KAT8: variants seen among roughly 807,000 people sequenced by gnomAD.
KAT8 encodes lysine acetyltransferase 8.
Under a neutral mutation model 62.9 loss-of-function variants are expected in KAT8, and 40 were observed. That is an observed-to-expected ratio of 0.64 (90% confidence interval 0.49 to 0.83). The LOEUF is 0.83. Among genes scored for constraint, KAT8 ranks in the 40% least tolerant of loss-of-function variants. KAT8 has a pLI of 0.00. For synonymous variants in KAT8, 278 were observed against 254.5 expected (o/e 1.09, Z -0.88); for missense variants, 387 against 614.8 (o/e 0.63, Z 3.92).
rs1299020112 is a variant in KAT8 at position 31,130,779 on chromosome 16, C to T, written c.1191C>T (p.Ile397=). ...CCAGTATCACCCAAAATGACATCAT[C>T]AGTACCCTGCAATCCCTCAATATGG... ...QMTSITQNDI[I]STLQSLNMVK... The change falls in exon 10 of 11, where the codon ATC becomes ATT. Residue 397 remains isoleucine, a synonymous_variant. Coordinates refer to ENST00000219797, the MANE Select transcript of KAT8 (RefSeq NM_032188.3). The T allele has an allele frequency of 6.2e-7, 1 of 1,614,194 alleles. No individual in the cohort carries two copies. The highest frequency in any genetic ancestry group is 1.1e-5 in the South Asian group (1 of 91,088).
Position 31,131,073 on chromosome 16 carries a change from A to G in KAT8, c.1313-122A>G, listed in dbSNP as rs887706257. ...CTGGGCTTCCCTACCCCTCCCCAGCACAGCCTGCCCTTTTGTTCTCACCTG... is the reference window on the plus strand; with the variant it reads ...CTGGGCTTCCCTACCCCTCCCCAGCGCAGCCTGCCCTTTTGTTCTCACCTG... On this transcript the variant is annotated intron_variant, in intron 10 of 10. Transcript: ENST00000219797. The G allele has an allele frequency of 5.9e-6, 9 of 1,515,416 alleles. No individual in the cohort carries two copies. In the African/African-American group the frequency reaches 1.2e-4, roughly 21 times the overall value. 93.9% of individuals were successfully genotyped at this position (1,515,416 alleles called of 1,614,324 possible).
chr16:31,126,939 C>T (rs1024898813), intron 3 of KAT8, 96 bp from the exon 4 acceptor site: 1 of 1,315,750 alleles, frequency 7.6e-7, no homozygotes, highest in Non-Finnish European at 1.1e-6. Context: ...GGAATGAGGT[C>T]TGGTAGACGG....
rs2057459742 is a variant in KAT8, at chr16:31,117,814, A to G, written c.133A>G (p.Thr45Ala). The G allele has an allele frequency of 7.0e-7, 1 of 1,425,470 alleles. No homozygotes were observed. Among genetic ancestry groups the G allele is most frequent in the Non-Finnish European group, 9.3e-7 (1 of 1,078,840 alleles). The allele number at this position is 1,425,470 out of a possible 1,614,324, so 88.3% of individuals were successfully genotyped here. Residue 45 changes from threonine to alanine, a missense_variant, in exon 1 of 11, where the codon ACC becomes GCC. By Grantham distance (58) the Thr-to-Ala change is moderately conservative. Transcript: ENST00000219797. ...ATCCCCGGGCCGCGTCTCTCCGCCG[A>G]CCCCGGCGCGCGGCGAGCCGGAAGT... ...APSPGRVSPP[T>A]PARGEPEVTV...
At chr16:31,120,581 C>G in intron 3 of KAT8, 67 bp downstream of exon 3, 1 of 1,483,330 alleles carries the variant, frequency 6.7e-7, no homozygotes, top group Non-Finnish European at 9.2e-7. Context: ...TTGGGTCTCT[C>G]GGGCCCCAGT....
rs2057539855 is a variant in KAT8 at position 31,127,357 on chromosome 16, AGGCTGGGCCGGCC to A, written c.681+7_681+19del. Reference sequence around the variant, plus strand: ...GAAGAGCTACCGCTTCCACTTGGTGAGGCTGGGCCGGCCGGGCCGAGCTGGGCAGGGGCCCGGT... The same window carrying A: ...GAAGAGCTACCGCTTCCACTTGGTGAGGGCCGAGCTGGGCAGGGGCCCGGT... On this transcript the variant is annotated splice_donor_5th_base_variant and intron_variant, in intron 5 of 10. Coordinates refer to ENST00000219797, the MANE Select transcript of KAT8 (RefSeq NM_032188.3). 1.2e-6 allele frequency: 2 copies of A among 1,613,726 alleles called. No individual in the cohort carries two copies. Among genetic ancestry groups the A allele is most frequent in the Non-Finnish European group, 1.7e-6 (2 of 1,179,884 alleles).
At chr16:31,129,959 C>T in intron 6 of KAT8, 58 bp from the exon 7 acceptor site, 1 of 1,593,332 alleles carries the variant, frequency 6.3e-7, no homozygotes, top group Non-Finnish European at 8.5e-7. Context: ...CCGCTGGAAC[C>T]AGCTGGGTGG....
In KAT8 at chr16:31,130,763, C is replaced by A; in HGVS notation, c.1175C>A (p.Thr392Asn). Residue 392 changes from threonine (T) to asparagine (N), a missense_variant, in exon 10 of 11, where the codon ACC becomes AAC. Around this residue, in one of 6 missense-constraint regions of KAT8, gnomAD observed 75 missense variants for 105.7 expected, o/e 0.71. Coordinates refer to ENST00000219797, the MANE Select transcript of KAT8 (RefSeq NM_032188.3). ...TTTTGCAGCCAGATGACCAGTATCA[C>A]CCAAAATGACATCATCAGTACCCTG... ...IKDLSQMTSI[T>N]QNDIISTLQS... 6.2e-7 allele frequency: 1 copy of A among 1,614,170 alleles called. No homozygotes were observed. The highest frequency in any genetic ancestry group is 8.5e-7 in the Non-Finnish European group (1 of 1,180,014).
chr16:31,125,547 T>C (rs1457861122), intron 3 of KAT8: 1 of 133,422 alleles, frequency 7.5e-6, no homozygotes, highest in African/African-American at 3.0e-5. Flanking sequence ...GAGGTTGCAG[T>C]GAGCCGAGAT....
intron 1 of KAT8, chr16:31,118,244 C>T (rs1466074898): frequency 2.3e-5 from 5 of 215,972 alleles, no homozygotes; most frequent in Non-Finnish European, 4.6e-5. Flanking sequence ...TCCATTTGTC[C>T]CTGGCAGCCA....
chr16:31,118,209 C>T (rs1401621651), intron 1 of KAT8: 2 of 282,432 alleles, frequency 7.1e-6, no homozygotes, highest in East Asian at 5.8e-5. Context: ...CTTCCTCACC[C>T]TCTCTTGTCT....
At chr16:31,127,521 G>T (rs145267326) in intron 5 of KAT8, among the ~76,000 whole-genome samples, 168 bp downstream of exon 5, 4 of 152,310 alleles carry the variant, frequency 2.6e-5, no homozygotes, top group South Asian at 2.1e-4. Flanking sequence ...TCCAGGCCTG[G>T]CTTTGCTGTT....
Position 31,130,101 on chromosome 16 carries a change from T to C in KAT8, c.856T>C (p.Tyr286His). ...LYFDVEPFVF[Y>H]ILTEVDRQGA... ...CTTTGACGTGGAGCCGTTCGTCTTTTACATCCTGACTGAGGTGGACCGGCA... is the reference window on the plus strand; with the variant it reads ...CTTTGACGTGGAGCCGTTCGTCTTTCACATCCTGACTGAGGTGGACCGGCA... Residue 286 changes from tyrosine to histidine, a missense_variant, in exon 7 of 11, where the codon TAC (tyrosine) becomes CAC (histidine). Tyr to His is a moderately conservative substitution (Grantham distance 83). This residue lies in a region of KAT8 where 141 missense variants were observed against 222.5 expected (regional missense o/e 0.63). Transcript: ENST00000219797. 2 of 1,602,540 alleles carry C rather than the reference T, an allele frequency of 1.2e-6. No homozygotes were observed. The highest frequency in any genetic ancestry group is 1.7e-6 in the Non-Finnish European group (2 of 1,175,170).
rs998174650 is a variant in KAT8, at chr16:31,124,944, G to A, written c.463-2091G>A. ...CTTGGGACACTGAGGTGGGAAGATCGCTTGAACTCAGGAGGTGGAGGTTGT... is the reference window on the plus strand; with the variant it reads ...CTTGGGACACTGAGGTGGGAAGATCACTTGAACTCAGGAGGTGGAGGTTGT... On this transcript the variant is annotated intron_variant, in intron 3 of 10. Coordinates refer to ENST00000219797, the MANE Select transcript of KAT8 (RefSeq NM_032188.3). 5.3e-5 allele frequency among the ~76,000 whole-genome samples: 8 copies of A among 151,930 alleles called. No homozygotes were observed. In the East Asian group the frequency reaches 9.7e-4, roughly 18 times the overall value.
At position 31,117,709 on chromosome 16, in the gene KAT8, G is replaced by A; in HGVS notation, c.28G>A (p.Val10Ile). The change falls in exon 1 of 11, where the codon GTT becomes ATT. Residue 10 changes from valine to isoleucine, a missense_variant. Physicochemically the swap from Val to Ile is conservative, Grantham distance 29. This residue lies in a region of KAT8 where 92 missense variants were observed against 78.8 expected (regional missense o/e 1.17). Transcript: ENST00000219797. ...GGCGGCACAGGGAGCTGCTGCGGCG[G>A]TTGCGGCGGGGACTTCAGGGGTCGC... MAAQGAAAA[V>I]AAGTSGVAGE... The A allele has an allele frequency of 1.4e-6, 2 of 1,397,694 alleles. No homozygotes were observed. The highest frequency in any genetic ancestry group is 1.5e-5 in the South Asian group (1 of 64,920). The allele number at this position is 1,397,694 out of a possible 1,614,324, so 86.6% of individuals were successfully genotyped here.
At position 31,127,354 on chromosome 16, in the gene KAT8, G is replaced by C; in HGVS notation, c.681+1G>C. 1 of 1,614,082 alleles carries C rather than the reference G, an allele frequency of 6.2e-7. No individual in the cohort carries two copies. The highest frequency in any genetic ancestry group is 8.5e-7 in the Non-Finnish European group (1 of 1,180,014). ...TGAGAAGAGCTACCGCTTCCACTTG[G>C]TGAGGCTGGGCCGGCCGGGCCGAGC... On this transcript the variant is annotated splice_donor_variant, in intron 5 of 10. Coordinates refer to ENST00000219797, the MANE Select transcript of KAT8 (RefSeq NM_032188.3). LOFTEE classifies it high-confidence loss of function.
At position 31,127,255 on chromosome 16, in the gene KAT8, T is replaced by C; in HGVS notation, c.583T>C (p.Ser195Pro). 1.2e-6 allele frequency: 2 copies of C among 1,614,212 alleles called. No individual in the cohort carries two copies. The highest frequency in any genetic ancestry group is 1.7e-6 in the Non-Finnish European group (2 of 1,180,030). Reference sequence around the variant, plus strand: ...CTACGAAATTGATGCCTGGTATTTCTCACCATTCCCCGAAGACTATGGGAA... The same window carrying C: ...CTACGAAATTGATGCCTGGTATTTCCCACCATTCCCCGAAGACTATGGGAA... Reference protein sequence around the residue: ...GNYEIDAWYFSPFPEDYGKQP... With the variant: ...GNYEIDAWYFPPFPEDYGKQP... The change falls in exon 5 of 11, where the codon TCA (serine) becomes CCA (proline). Residue 195 changes from serine to proline, a missense_variant. Ser to Pro is a moderately conservative substitution (Grantham distance 74). Around this residue, in one of 6 missense-constraint regions of KAT8, gnomAD observed 141 missense variants for 222.5 expected, o/e 0.63. Coordinates refer to ENST00000219797, the MANE Select transcript of KAT8 (RefSeq NM_032188.3).
intron 3 of KAT8, chr16:31,126,310 G>A (rs571782103): frequency 6.6e-6 from 1 of 152,470 alleles, no homozygotes; most frequent in East Asian, 1.9e-4. Flanking sequence ...CCAGACCTGA[G>A]ATGGGGCCAT....
At chr16:31,123,040 G>A (rs1176591400) in intron 3 of KAT8, among the ~76,000 whole-genome samples, 3 of 151,728 alleles carry the variant, frequency 2.0e-5, no homozygotes, top group South Asian at 2.1e-4. Flanking sequence ...AAAATTAGCC[G>A]GGCGTGGTGG....
At chr16:31,125,355 G>A (rs1395973194) in intron 3 of KAT8, among the ~76,000 whole-genome samples, 2 of 152,100 alleles carry the variant, frequency 1.3e-5, no homozygotes, top group Admixed American at 1.3e-4. Flanking sequence ...TGTAATCTCA[G>A]CACTTTGGGA....
Sources: allele counts gnomAD v4.1 joint callset (sites outside exome capture counted in the v4.1 genomes callset), GRCh38; gene constraint gnomAD v4.1.1; regional missense constraint gnomAD v4.1.1; transcripts MANE v1.5; gene names NCBI Gene and HGNC (gene_info 2026-07-23, HGNC 2026-07-21).